The following XRCC5 variants were observed in gnomAD, a reference collection of about 807,000 sequenced individuals.
The protein encoded by XRCC5 is X-ray repair cross complementing 5.
In XRCC5, 12 loss-of-function variants were observed where a neutral mutation model predicts 95.7. The ratio of observed to expected loss-of-function variants is 0.13; its 90% CI spans 0.08 to 0.20. The LOEUF is 0.20. Ranked by LOEUF, XRCC5 falls within the 10% of genes least tolerant of loss-of-function variation. The pLI, the probability that XRCC5 is intolerant of heterozygous loss-of-function variation, is 1.00. For missense variants in XRCC5, 595 were observed against 873.9 expected (o/e 0.68, Z 4.02); for synonymous variants, 281 against 290.3 (o/e 0.97, Z 0.33).
intron 19 of XRCC5, among the ~76,000 whole-genome samples, chr2:216,198,757 T>C (rs1689780986): frequency 6.6e-6 from 1 of 152,134 alleles, no homozygotes; most frequent in Admixed American, 6.5e-5. Flanking sequence ...TTTACCATGT[T>C]GGCAAGGCTG....
intron 7 of XRCC5, 26 bp downstream of exon 7, chr2:216,126,057 C>T: frequency 6.4e-7 from 1 of 1,552,716 alleles, no homozygotes; most frequent in Non-Finnish European, 8.9e-7. Flanking sequence ...ACATTTTTAA[C>T]AGAAATGTTA....
At chr2:216,174,944 C>T in intron 16 of XRCC5, 1 of 323,308 alleles carries the variant, frequency 3.1e-6, no homozygotes, top group Non-Finnish European at 6.0e-6. Flanking sequence ...GATCCGTAAC[C>T]ACCACCACCA....
intron 9 of XRCC5, among the ~76,000 whole-genome samples, chr2:216,132,023 A>G (rs1336172206): frequency 3.3e-5 from 5 of 152,216 alleles, no homozygotes; most frequent in Non-Finnish European, 2.9e-5. Context: ...TTAAAGCACC[A>G]TGTAACCCTG....
chr2:216,176,735 C>T (rs1414591758), intron 16 of XRCC5, among the ~76,000 whole-genome samples: 1 of 152,012 alleles, frequency 6.6e-6, no homozygotes, highest in African/African-American at 2.4e-5. Flanking sequence ...TTATTCCATT[C>T]CTTCTTCTTA....
intron 16 of XRCC5, among the ~76,000 whole-genome samples, chr2:216,181,727 G>C (rs367984780): frequency 1.3e-5 from 2 of 152,180 alleles, no homozygotes; most frequent in East Asian, 3.9e-4. Context: ...TTTTCATTGC[G>C]ACTTTAATAA....
chr2:216,184,032 CTGTG>C (rs3221952), intron 16 of XRCC5, among the ~76,000 whole-genome samples: 7,016 of 145,618 alleles, frequency 0.048, 212 homozygotes, highest in Non-Finnish European at 0.062. Flanking sequence ...TAAGTCAGCA[CTGTG>C]TGTGTGTGTG....
At chr2:216,187,861 T>TCTCTCTCTCTCTC (rs143232624) in intron 16 of XRCC5, among the ~76,000 whole-genome samples, 7 of 116,232 alleles carry the variant, frequency 6.0e-5, no homozygotes, top group African/African-American at 2.9e-4. Flanking sequence ...TCTCTCTCTC[T>TCTCTCTCTCTCTC]CCCCGTCTCC....
intron 2 of XRCC5, among the ~76,000 whole-genome samples, chr2:216,115,272 T>C (rs889148952): frequency 6.6e-6 from 1 of 151,582 alleles, no homozygotes; most frequent in African/African-American, 2.4e-5. Context: ...GTAACAAGAG[T>C]ATAGGTGTTT....
chr2:216,143,669 A>C, intron 13 of XRCC5, among the ~76,000 whole-genome samples: 1 of 151,912 alleles, frequency 6.6e-6, no homozygotes. Context: ...GAGTACTAAC[A>C]ATGAACCACG....
At chr2:216,184,231 G>A (rs1574483416) in intron 16 of XRCC5, among the ~76,000 whole-genome samples, 1 of 152,176 alleles carries the variant, frequency 6.6e-6, no homozygotes, top group Non-Finnish European at 1.5e-5. Flanking sequence ...TGTCACAACC[G>A]TGTTAGAACT....
chr2:216,139,282 G>A (rs1697137005), intron 12 of XRCC5, among the ~76,000 whole-genome samples: 2 of 150,714 alleles, frequency 1.3e-5, no homozygotes, highest in South Asian at 2.2e-4. Context: ...AGACATACCC[G>A]AGACTGGGAA....
At chr2:216,174,150 C>CTTTTGTTTG (rs1316677761) in intron 16 of XRCC5, among the ~76,000 whole-genome samples, 1 of 144,286 alleles carries the variant, frequency 6.9e-6, no homozygotes, top group Admixed American at 6.8e-5. Context: ...TTGTGGGGAG[C>CTTTTGTTTG]TTTTGTTTTG....
At chr2:216,183,849 GC>G (rs1174412884) in intron 16 of XRCC5, among the ~76,000 whole-genome samples, 2 of 152,106 alleles carry the variant, frequency 1.3e-5, no homozygotes, top group African/African-American at 4.8e-5. Context: ...TCAAGCTTAT[GC>G]TTTTTTCCTA....
intron 16 of XRCC5, among the ~76,000 whole-genome samples, chr2:216,162,582 G>T (rs764777852): frequency 6.6e-6 from 1 of 151,678 alleles, no homozygotes; most frequent in Non-Finnish European, 1.5e-5. Flanking sequence ...TGTTTAGACG[G>T]GGTTTCTCCA....
intron 14 of XRCC5, among the ~76,000 whole-genome samples, chr2:216,152,529 C>CA (rs1254645263): frequency 1.3e-5 from 2 of 151,992 alleles, no homozygotes; most frequent in Non-Finnish European, 2.9e-5. Flanking sequence ...CATCTTATCT[C>CA]AAAACATACC....
In XRCC5 at chr2:216,196,973, A is replaced by C. The variant is rs1274995619; in HGVS notation, c.2109+1987A>C. ...TGTCATTATTACATTAAGAAAATTT[A>C]TTATCCAGGTGACAGTACATACTAG... On this transcript the variant is annotated intron_variant, in intron 19 of 20. Coordinates refer to ENST00000392132, the MANE Select transcript of XRCC5 (RefSeq NM_021141.4). Among the ~76,000 whole-genome samples, 6 of 152,314 alleles carry C rather than the reference A, an allele frequency of 3.9e-5. No individual in the cohort carries two copies. In the East Asian group the frequency reaches 1.2e-3, roughly 29 times the overall value.
At chr2:216,133,138 A>G (rs759208878) in intron 10 of XRCC5, among the ~76,000 whole-genome samples, 2 of 152,182 alleles carry the variant, frequency 1.3e-5, no homozygotes, top group Non-Finnish European at 2.9e-5. Flanking sequence ...GTGGATGGGT[A>G]TGCCATTATT....
At chr2:216,161,469 C>T (rs1198737088) in intron 15 of XRCC5, among the ~76,000 whole-genome samples, 1 of 152,190 alleles carries the variant, frequency 6.6e-6, no homozygotes, top group Admixed American at 6.5e-5. Flanking sequence ...ACATGTTCAA[C>T]CTGGGTATGC....
chr2:216,123,949 A>G (rs73058429), intron 6 of XRCC5, among the ~76,000 whole-genome samples: 14,153 of 152,274 alleles, frequency 0.093, 2,153 homozygotes, highest in African/African-American at 0.32. Context: ...CTTTGATTTT[A>G]GGTCTGCCAT....
Sources: gnomAD v4.1 joint callset for allele counts (sites outside exome capture counted in the v4.1 genomes callset) on GRCh38, gnomAD v4.1.1 for gene constraint, MANE v1.5 for transcripts, NCBI Gene and HGNC (gene_info 2026-07-23, HGNC 2026-07-21) for gene names.